Variants in FTO observed in about 807,000 individuals in gnomAD.
FTO encodes the protein alpha-ketoglutarate-dependent dioxygenase FTO.
A neutral mutation model predicts 63.9 loss-of-function variants in FTO; 47 were observed. That is an observed-to-expected ratio of 0.74 (90% CI 0.58 to 0.94). The LOEUF is 0.94. FTO is among the 40% of genes least tolerant of loss of function. The pLI is 0.00. For missense variants in FTO, 562 were observed against 618.1 expected (o/e 0.91, Z 0.96); for synonymous variants, 207 against 224.4 (o/e 0.92, Z 0.69).
intron 4 of FTO, among the ~76,000 whole-genome samples, chr16:53,869,847 A>G (rs2080445233): frequency 6.6e-6 from 1 of 152,060 alleles, no homozygotes; most frequent in African/African-American, 2.4e-5. Flanking sequence ...AATTTCTGCC[A>G]TTTCTGACTC....
In FTO at chr16:53,891,431, T is replaced by A. The variant is rs1210696661; in HGVS notation, c.1239+2480T>A. On this transcript the variant is annotated intron_variant, in intron 7 of 8. Transcript: ENST00000471389. The stretch of plus-strand genomic sequence containing the variant: ...TTCTCAGCACTTTGGGAAGCCAAGT[T>A]GGGAGGATTGCTTGATCCCAGGAGT... 2.6e-5 allele frequency among the ~76,000 whole-genome samples: 4 copies of A among 151,920 alleles called. No individual in the cohort carries two copies. The East Asian group carries it at 5.8e-4, about 22-fold the overall frequency.
chr16:53,763,202 T>C (rs1402077195), intron 1 of FTO, among the ~76,000 whole-genome samples: 1 of 152,184 alleles, frequency 6.6e-6, no homozygotes, highest in Non-Finnish European at 1.5e-5. Flanking sequence ...CTAAAACAAA[T>C]GTGCCAACCA....
At chr16:53,853,280 G>C (rs1394519531) in intron 4 of FTO, among the ~76,000 whole-genome samples, 7 of 152,120 alleles carry the variant, frequency 4.6e-5, no homozygotes, top group Admixed American at 6.5e-5. Flanking sequence ...ACTCTAGCCT[G>C]GGTGACAGAG....
At chr16:53,896,861 C>T (rs2081290485) in intron 7 of FTO, among the ~76,000 whole-genome samples, 1 of 152,152 alleles carries the variant, frequency 6.6e-6, no homozygotes, top group South Asian at 2.1e-4. Flanking sequence ...TGCAATGCGT[C>T]TATCCACTGT....
At chr16:53,776,286 G>A (rs1645761050) in intron 1 of FTO, among the ~76,000 whole-genome samples, 1 of 152,130 alleles carries the variant, frequency 6.6e-6, no homozygotes, top group Admixed American at 6.5e-5. Flanking sequence ...ATTTGTCTGT[G>A]GTTTCTTGCC....
At chr16:54,072,822 G>T (rs76616326) in intron 8 of FTO, among the ~76,000 whole-genome samples, 2 of 152,032 alleles carry the variant, frequency 1.3e-5, no homozygotes, top group East Asian at 1.9e-4. Context: ...CCTCTGACTC[G>T]GTCAGAAAGA....
chr16:53,723,735 C>T (rs1274802603), intron 1 of FTO, among the ~76,000 whole-genome samples: 2 of 152,104 alleles, frequency 1.3e-5, no homozygotes, highest in East Asian at 1.9e-4. Flanking sequence ...AAGGACCTAA[C>T]GAAAAGGCAC....
intron 7 of FTO, among the ~76,000 whole-genome samples, chr16:53,896,748 A>G (rs1455024955): frequency 2.0e-5 from 3 of 152,160 alleles, no homozygotes; most frequent in Non-Finnish European, 2.9e-5. Flanking sequence ...AGTCTTCCTT[A>G]TTGACAGCAT....
At chr16:54,098,640 C>G (rs2086566609) in intron 8 of FTO, among the ~76,000 whole-genome samples, 1 of 152,166 alleles carries the variant, frequency 6.6e-6, no homozygotes, top group African/African-American at 2.4e-5. Flanking sequence ...GTCTGTCGGT[C>G]TTTGACTTTG....
intron 3 of FTO, among the ~76,000 whole-genome samples, chr16:53,839,582 G>A (rs183516297): frequency 6.6e-6 from 1 of 152,058 alleles, no homozygotes; most frequent in African/African-American, 2.4e-5. Context: ...GTCTCTAATT[G>A]TCTTTATTGA....
chr16:54,026,502 G>T (rs747592496), intron 8 of FTO, among the ~76,000 whole-genome samples: 1 of 152,190 alleles, frequency 6.6e-6, no homozygotes, highest in Non-Finnish European at 1.5e-5. Flanking sequence ...ATAGGTAAGG[G>T]AAAACTGAGA....
At chr16:53,877,656 C>T (rs558453616) in intron 5 of FTO, among the ~76,000 whole-genome samples, 7 of 151,524 alleles carry the variant, frequency 4.6e-5, no homozygotes, top group South Asian at 2.1e-4. Context: ...TGTGACTATA[C>T]GAAACAACAT....
chr16:53,744,139 T>C (rs1338427551), intron 1 of FTO, among the ~76,000 whole-genome samples: 2 of 152,146 alleles, frequency 1.3e-5, no homozygotes, highest in Non-Finnish European at 2.9e-5. Context: ...ATCACTTCCT[T>C]TCTCTTGCCT....
intron 8 of FTO, among the ~76,000 whole-genome samples, chr16:53,996,962 A>T (rs2143956290): frequency 6.6e-6 from 1 of 152,112 alleles, no homozygotes; most frequent in African/African-American, 2.4e-5. Flanking sequence ...TACAAAAAAA[A>T]TTTAGCCTGG....
At chr16:53,926,206 C>T (rs757392369) in intron 7 of FTO, among the ~76,000 whole-genome samples, 6 of 152,126 alleles carry the variant, frequency 3.9e-5, no homozygotes, top group African/African-American at 7.2e-5. Flanking sequence ...AGTCACCTAC[C>T]AAGGGCATAT....
At chr16:53,707,621 A>T (rs978529124) in intron 1 of FTO, among the ~76,000 whole-genome samples, 1 of 152,156 alleles carries the variant, frequency 6.6e-6, no homozygotes, top group Non-Finnish European at 1.5e-5. Context: ...AGTCTTTTAC[A>T]TTTTAACCAT....
At chr16:53,875,824 G>A (rs754353561) in intron 5 of FTO, among the ~76,000 whole-genome samples, 1 of 152,192 alleles carries the variant, frequency 6.6e-6, no homozygotes, top group Non-Finnish European at 1.5e-5. Context: ...TATGTACAGT[G>A]CAGAATAGAA....
intron 4 of FTO, among the ~76,000 whole-genome samples, chr16:53,848,412 C>T (rs1407921596): frequency 1.3e-5 from 2 of 152,180 alleles, no homozygotes; most frequent in Admixed American, 6.5e-5. Flanking sequence ...AATAAATCCA[C>T]TGCCCATGGA....
intron 6 of FTO, 104 bp from the exon 7 acceptor site, chr16:53,888,728 T>TA (rs1230641536): frequency 1.6e-6 from 2 of 1,238,110 alleles, no homozygotes; most frequent in Non-Finnish European, 2.4e-6. Flanking sequence ...TTTCTCATCC[T>TA]ATGGCCATCA....
Sources: allele counts gnomAD v4.1 joint callset (sites outside exome capture counted in the v4.1 genomes callset), GRCh38; gene constraint gnomAD v4.1.1; transcripts MANE v1.5; gene names NCBI Gene and HGNC (gene_info 2026-07-23, HGNC 2026-07-21).